Variants in WDR49 observed in about 807,000 individuals in gnomAD.
The protein encoded by WDR49 is cilia- and flagella-associated protein 337.
WDR49 carries 107 observed loss-of-function variants against 119.5 expected under a neutral mutation model. That is an observed-to-expected ratio of 0.90 (90% CI 0.77 to 1.05). The LOEUF is 1.05. Ranked by LOEUF, WDR49 falls within the 50% of genes least tolerant of loss-of-function variation. The pLI is 0.00. For synonymous variants in WDR49, 425 were observed against 418.8 expected (o/e 1.01, Z -0.18); for missense variants, 1,240 against 1,220.5 (o/e 1.02, Z -0.24).
At position 167,604,031 on chromosome 3, in the gene WDR49, T is replaced by C. The variant is rs545696151; in HGVS notation, c.1126+270A>G. Among the ~76,000 whole-genome samples, 3 of 152,150 alleles carry C rather than the reference T, an allele frequency of 2.0e-5. No individual in the cohort carries two copies. The East Asian group carries it at 5.8e-4, about 29-fold the overall frequency. On this transcript the variant is annotated intron_variant, in intron 6 of 18. Transcript: ENST00000682715. ...TGCTGCACAAACTGTCTTCCTTCTCTATATCATTTTACACCCTTCACCAAT... is the reference window on the plus strand; with the variant it reads ...TGCTGCACAAACTGTCTTCCTTCTCCATATCATTTTACACCCTTCACCAAT...
chr3:167,495,856 A>G (rs1249735452), intron 18 of WDR49, among the ~76,000 whole-genome samples: 1 of 138,566 alleles, frequency 7.2e-6, no homozygotes, highest in Non-Finnish European at 1.6e-5. Context: ...CTATGGATGC[A>G]GGGAAATAAG....
intron 10 of WDR49, among the ~76,000 whole-genome samples, chr3:167,542,765 C>T (rs920914016): frequency 5.9e-5 from 9 of 151,492 alleles, no homozygotes; most frequent in Non-Finnish European, 1.0e-4. Context: ...CCAAACCCAG[C>T]AGAAGAAAAA....
At chr3:167,610,594 C>A (rs1451253205) in intron 5 of WDR49, among the ~76,000 whole-genome samples, 2 of 152,224 alleles carry the variant, frequency 1.3e-5, no homozygotes, top group East Asian at 3.9e-4. Flanking sequence ...TTGGGACCCA[C>A]CCAGGGGCTG....
chr3:167,496,918 A>C (rs575007998), intron 18 of WDR49, among the ~76,000 whole-genome samples: 21,488 of 152,010 alleles, frequency 0.14, 1,844 homozygotes, highest in African/African-American at 0.25. Flanking sequence ...TCTACTAACG[A>C]GAGGTAAATG....
chr3:167,499,108 A>C (rs542222425), intron 18 of WDR49, among the ~76,000 whole-genome samples: 204 of 152,330 alleles, frequency 1.3e-3, no homozygotes, highest in African/African-American at 4.0e-3. Flanking sequence ...AAATAAAAAA[A>C]ACAAAACCTG....
At chr3:167,590,277 T>C (rs1560300921) in intron 7 of WDR49, among the ~76,000 whole-genome samples, 1 of 152,170 alleles carries the variant, frequency 6.6e-6, no homozygotes. Flanking sequence ...GAATGATTTT[T>C]TAAATGTGTT....
Position 167,538,926 on chromosome 3 carries a change from T to C in WDR49, c.1824-1926A>G, listed in dbSNP as rs190924704. ...TTTTTTCGTTTAGTATATGATAAAA[T>C]TCAAATGTGGAGCTCTGTTATTTAA... On this transcript the variant is annotated intron_variant, in intron 10 of 18. Coordinates refer to ENST00000682715, the MANE Select transcript of WDR49 (RefSeq NM_001366157.1). Among the ~76,000 whole-genome samples, 297 of 152,262 alleles carry C rather than the reference T, an allele frequency of 2.0e-3. 2 individuals carry two copies. The highest frequency in any genetic ancestry group is 6.9e-3 in the African/African-American group (285 of 41,564).
At chr3:167,560,748 T>C (rs974496974) in intron 8 of WDR49, among the ~76,000 whole-genome samples, 3 of 150,414 alleles carry the variant, frequency 2.0e-5, no homozygotes, top group Admixed American at 6.6e-5. Flanking sequence ...CTACTGTGTA[T>C]ATTTTTATAG....
At chr3:167,654,318 T>G (rs955192449), upstream of WDR49, among the ~76,000 whole-genome samples, 12 of 152,164 alleles carry the variant, frequency 7.9e-5, no homozygotes, top group African/African-American at 2.9e-4. Context: ...TGTCTTAGTT[T>G]CTATGTATAT....
intron 8 of WDR49, chr3:167,575,361 A>C: frequency 4.4e-6 from 4 of 909,626 alleles, no homozygotes; most frequent in Non-Finnish European, 5.3e-6. Flanking sequence ...TGGTCCCCTA[A>C]GCCAAGGCTG....
intron 18 of WDR49, among the ~76,000 whole-genome samples, chr3:167,493,493 C>G (rs1355681716): frequency 1.3e-5 from 2 of 152,126 alleles, no homozygotes; most frequent in South Asian, 2.1e-4. Flanking sequence ...CTTCCACGTA[C>G]AGCATCTCCG....
At chr3:167,487,514 C>A (rs537914041) in intron 18 of WDR49, among the ~76,000 whole-genome samples, 2 of 152,084 alleles carry the variant, frequency 1.3e-5, no homozygotes, top group East Asian at 1.9e-4. Context: ...GTAACAAGAA[C>A]AAAAGTTGAT....
At chr3:167,553,026 C>T (rs1712667672) in intron 10 of WDR49, among the ~76,000 whole-genome samples, 1 of 152,022 alleles carries the variant, frequency 6.6e-6, no homozygotes, top group African/African-American at 2.4e-5. Context: ...AACGGTCCAT[C>T]CTCCTGTAAC....
chr3:167,502,173 A>G (rs944849388), intron 17 of WDR49, among the ~76,000 whole-genome samples: 1 of 152,116 alleles, frequency 6.6e-6, no homozygotes, highest in Admixed American at 6.6e-5. Context: ...TCACCATGTG[A>G]TGTTGCCTGC....
intron 18 of WDR49, among the ~76,000 whole-genome samples, chr3:167,498,829 A>G (rs1237565813): frequency 6.6e-6 from 1 of 152,150 alleles, no homozygotes; most frequent in Non-Finnish European, 1.5e-5. Context: ...CAGTCAGATA[A>G]GGGAATTTCA....
chr3:167,505,535 G>A lies in WDR49; in HGVS notation c.2775-119C>T, dbSNP rs142331105. On this transcript the variant is annotated intron_variant, in intron 16 of 18. Coordinates refer to ENST00000682715, the MANE Select transcript of WDR49 (RefSeq NM_001366157.1). ...AAACAAAAACAAAAAATCTATTCCTGTGAACCGAAGTAGTGATATTTGTTT... is the reference window on the plus strand; with the variant it reads ...AAACAAAAACAAAAAATCTATTCCTATGAACCGAAGTAGTGATATTTGTTT... 3.4e-4 allele frequency: 434 copies of A among 1,281,488 alleles called. No individual in the cohort carries two copies. In the African/African-American group the frequency reaches 6.3e-3, roughly 18 times the overall value. The allele number at this position is 1,281,488 out of a possible 1,614,324, so 79.4% of individuals were successfully genotyped here.
intron 7 of WDR49, among the ~76,000 whole-genome samples, chr3:167,582,943 A>G (rs1291260157): frequency 6.6e-6 from 1 of 151,126 alleles, no homozygotes; most frequent in Non-Finnish European, 1.5e-5. Context: ...ACTTTGTCTC[A>G]AAACAAACAC....
intron 16 of WDR49, among the ~76,000 whole-genome samples, chr3:167,510,989 A>G (rs146643610): frequency 2.0e-5 from 3 of 152,100 alleles, no homozygotes; most frequent in African/African-American, 7.2e-5. Flanking sequence ...CCTTGAATTT[A>G]CCAATCTGAC....
At chr3:167,516,565 T>C (rs1410813180) in intron 16 of WDR49, among the ~76,000 whole-genome samples, 4 of 152,122 alleles carry the variant, frequency 2.6e-5, no homozygotes, top group Non-Finnish European at 5.9e-5. Context: ...AACATATGTG[T>C]GCATGTGTCT....
Sources: gnomAD v4.1 joint callset for allele counts (sites outside exome capture counted in the v4.1 genomes callset) on GRCh38, gnomAD v4.1.1 for gene constraint, MANE v1.5 for transcripts, NCBI Gene and HGNC (gene_info 2026-07-23, HGNC 2026-07-21) for gene names.